The following DLGAP4 variants were observed in gnomAD, a reference collection of about 807,000 sequenced individuals.
The protein encoded by DLGAP4 is disks large-associated protein 4.
In DLGAP4, 18 loss-of-function variants were observed where a neutral mutation model predicts 86.9. The observed-to-expected ratio is 0.21, with a 90% CI of 0.14 to 0.31. The LOEUF is 0.31. Among genes scored for constraint, DLGAP4 ranks in the 10% least tolerant of loss-of-function variants. DLGAP4 has a pLI of 1.00. For synonymous variants in DLGAP4, 548 were observed against 574.3 expected (o/e 0.95, Z 0.65); for missense variants, 1,085 against 1,362.6 (o/e 0.80, Z 3.21).
intron 2 of DLGAP4, among the ~76,000 whole-genome samples, chr20:36,425,761 C>A (rs1395409812): frequency 1.3e-5 from 2 of 152,292 alleles, no homozygotes. Context: ...GCGGAGGTTG[C>A]AGTGAGCCAA....
At chr20:36,497,734 G>A (rs2035949482) in intron 8 of DLGAP4, 3 of 679,666 alleles carry the variant, frequency 4.4e-6, no homozygotes, top group Non-Finnish European at 5.4e-6. Flanking sequence ...GCCCTCCATA[G>A]TCATGGCACA....
At chr20:36,400,441 A>G (rs969251048) in intron 2 of DLGAP4, among the ~76,000 whole-genome samples, 1 of 152,218 alleles carries the variant, frequency 6.6e-6, no homozygotes, top group Non-Finnish European at 1.5e-5. Flanking sequence ...CGTATTATAA[A>G]TTACTTTCCT....
intron 10 of DLGAP4, among the ~76,000 whole-genome samples, chr20:36,516,266 TAG>T (rs2037029275): frequency 1.3e-5 from 2 of 152,232 alleles, no homozygotes; most frequent in African/African-American, 4.8e-5. Flanking sequence ...GTGCACATTA[TAG>T]AGAGTTGGCA....
chr20:36,373,670 C>T (rs1050968843), intron 2 of DLGAP4, among the ~76,000 whole-genome samples: 14 of 152,162 alleles, frequency 9.2e-5, no homozygotes, highest in African/African-American at 3.1e-4. Flanking sequence ...CAACCCCCAC[C>T]TCCTGTAATT....
At chr20:36,371,055 A>G (rs1453963590) in intron 2 of DLGAP4, among the ~76,000 whole-genome samples, 1 of 152,188 alleles carries the variant, frequency 6.6e-6, no homozygotes, top group African/African-American at 2.4e-5. Flanking sequence ...CCACACAGAC[A>G]GTGGGTAGTG....
At chr20:36,511,308 T>G (rs2036680481) in intron 10 of DLGAP4, among the ~76,000 whole-genome samples, 1 of 152,150 alleles carries the variant, frequency 6.6e-6, no homozygotes. Context: ...GCTCAGGTGA[T>G]CCTCCTGCCT....
At chr20:36,418,710 C>T (rs888258366) in intron 2 of DLGAP4, among the ~76,000 whole-genome samples, 1 of 152,130 alleles carries the variant, frequency 6.6e-6, no homozygotes, top group Admixed American at 6.5e-5. Flanking sequence ...AGTTCACTGT[C>T]AGGATGGGCC....
Position 36,526,794 on chromosome 20 carries a change from CCTCACTGT to C in DLGAP4, c.2761-12_2761-5del. The C allele has an allele frequency of 1.3e-6, 2 of 1,577,506 alleles. No individual in the cohort carries two copies. The highest frequency in any genetic ancestry group is 1.7e-6 in the Non-Finnish European group (2 of 1,163,604). ...CACCTTTATTTTATTTTTGTTCTCT[CCTCACTGT>C]CTCACTAAAGGAAGAGAAGAAACCA... On this transcript the variant is annotated splice_polypyrimidine_tract_variant and intron_variant, in intron 12 of 12. Coordinates refer to ENST00000339266, the MANE Select transcript of DLGAP4 (RefSeq NM_001365621.2).
intron 1 of DLGAP4, among the ~76,000 whole-genome samples, chr20:36,349,401 G>C (rs1317066803): frequency 6.7e-6 from 1 of 149,682 alleles, no homozygotes; most frequent in African/African-American, 2.5e-5. Context: ...CTGGGTGACA[G>C]AGCAAGACTC....
intron 10 of DLGAP4, among the ~76,000 whole-genome samples, chr20:36,519,618 ATTGG>A (rs749227564): frequency 1.3e-5 from 2 of 152,144 alleles, no homozygotes; most frequent in African/African-American, 4.8e-5. Flanking sequence ...CAGAAGTGGA[ATTGG>A]TTGATCATGT....
chr20:36,508,615 A>G (rs932698854), intron 10 of DLGAP4, among the ~76,000 whole-genome samples: 8 of 152,044 alleles, frequency 5.3e-5, no homozygotes, highest in African/African-American at 1.9e-4. Flanking sequence ...TTTAGTAGAG[A>G]TGAGGTTTCT....
At chr20:36,488,028 C>T (rs977753227) in intron 7 of DLGAP4, among the ~76,000 whole-genome samples, 21 of 151,680 alleles carry the variant, frequency 1.4e-4, no homozygotes, top group African/African-American at 4.8e-4. Context: ...GGTGAAACCC[C>T]GTCTCTACTA....
chr20:36,337,376 G>C (rs931529513), intron 1 of DLGAP4, among the ~76,000 whole-genome samples: 1 of 152,160 alleles, frequency 6.6e-6, no homozygotes, highest in Non-Finnish European at 1.5e-5. Context: ...GGCAAGGCCC[G>C]CTGGGTAGGT....
At chr20:36,487,094 G>A (rs578095107) in intron 7 of DLGAP4, among the ~76,000 whole-genome samples, 1 of 152,198 alleles carries the variant, frequency 6.6e-6, no homozygotes, top group African/African-American at 2.4e-5. Flanking sequence ...TGCTTTTGCG[G>A]TAGAGAGGTG....
intron 7 of DLGAP4, among the ~76,000 whole-genome samples, chr20:36,467,117 G>C (rs1286549005): frequency 6.7e-6 from 1 of 149,502 alleles, no homozygotes; most frequent in Non-Finnish European, 1.5e-5. Context: ...GCTCTGAGAG[G>C]ATGGGGATTA....
rs1215221998 is a variant in DLGAP4 at position 36,436,145 on chromosome 20, C to T, written c.1036C>T (p.Leu346=). The change falls in exon 4 of 13, where the codon CTG becomes TTG. Residue 346 remains leucine (L), a synonymous_variant. Coordinates refer to ENST00000339266, the MANE Select transcript of DLGAP4 (RefSeq NM_001365621.2). ...CGGCGGCGAGTGGAGCACCACGCTG[C>T]TGTCCCCACGCGAGACGGATGCCGC... ...GGGGEWSTTL[L]SPRETDAAAE... is the part of the protein sequence containing the mutation. 3.1e-6 allele frequency: 5 copies of T among 1,592,882 alleles called. No homozygotes were observed. Among genetic ancestry groups the T allele is most frequent in the Non-Finnish European group, 4.3e-6 (5 of 1,175,886 alleles).
intron 1 of DLGAP4, among the ~76,000 whole-genome samples, chr20:36,314,370 G>GGAGGGA (rs2065079797): frequency 3.6e-5 from 1 of 28,074 alleles, no homozygotes; most frequent in Non-Finnish European, 6.4e-5. Flanking sequence ...GTGTGTGTGT[G>GGAGGGA]GNNNNNNNNN....
At chr20:36,418,151 C>A (rs1455171638) in intron 2 of DLGAP4, among the ~76,000 whole-genome samples, 2 of 151,224 alleles carry the variant, frequency 1.3e-5, no homozygotes, top group Non-Finnish European at 2.9e-5. Context: ...CTCGCTCTTG[C>A]CGTCCAGGCT....
At chr20:36,418,721 T>C (rs941307851) in intron 2 of DLGAP4, among the ~76,000 whole-genome samples, 5 of 152,122 alleles carry the variant, frequency 3.3e-5, no homozygotes, top group African/African-American at 7.2e-5. Flanking sequence ...AGGATGGGCC[T>C]GGGAATTCAC....
Sources: allele counts gnomAD v4.1 joint callset (sites outside exome capture counted in the v4.1 genomes callset), GRCh38; gene constraint gnomAD v4.1.1; transcripts MANE v1.5; gene names NCBI Gene and HGNC (gene_info 2026-07-23, HGNC 2026-07-21).